Variants in HECTD2 observed in about 807,000 individuals in gnomAD.
HECTD2 encodes probable E3 ubiquitin-protein ligase HECTD2.
In HECTD2, 35 loss-of-function variants were observed where a neutral mutation model predicts 103.2. The observed-to-expected ratio is 0.34, with a 90% CI of 0.26 to 0.45. HECTD2 has a LOEUF of 0.45. Among genes scored for constraint, HECTD2 ranks in the 20% least tolerant of loss-of-function variants. The pLI is 1.00. For missense variants in HECTD2, 596 were observed against 937.4 expected, an observed-to-expected ratio of 0.64 and a Z score of 4.76; for synonymous variants, 281 against 329.9, an observed-to-expected ratio of 0.85 and a Z score of 1.61.
chr10:91,487,643 A>C lies in HECTD2; in HGVS notation c.1095-39A>C. ...CCCTTAGTATAATTTTGTTAAAAATACACCATTTTGCTTTTTCTTTTTTTC... is the reference window on the plus strand; with the variant it reads ...CCCTTAGTATAATTTTGTTAAAAATCCACCATTTTGCTTTTTCTTTTTTTC... On this transcript the variant is annotated intron_variant, in intron 10 of 20. Coordinates refer to ENST00000298068, the MANE Select transcript of HECTD2 (RefSeq NM_182765.6). This position sits in a 1 kb window ranked among gnomAD's most constrained non-coding sequence, Gnocchi z 4.1. The C allele has an allele frequency of 3.9e-6, 5 of 1,296,794 alleles. No individual in the cohort carries two copies. Among genetic ancestry groups the C allele is most frequent in the Non-Finnish European group, 2.2e-6 (2 of 890,806 alleles). 80.3% of individuals were successfully genotyped at this position (1,296,794 alleles called of 1,614,324 possible). A position where few individuals can be genotyped will look rare whatever the true frequency, so the allele number is the denominator to read the frequency against.
intron 2 of HECTD2, among the ~76,000 whole-genome samples, chr10:91,431,794 A>T (rs983117914): frequency 2.0e-5 from 3 of 151,952 alleles, no homozygotes; most frequent in African/African-American, 7.2e-5. Flanking sequence ...AAATTTTTTC[A>T]AAGTTTTCAA....
Position 91,498,158 on chromosome 10 carries a change from A to G in HECTD2, c.1731A>G (p.Glu577=). The G allele has an allele frequency of 6.2e-7, 1 of 1,611,170 alleles. No homozygotes were observed. Among genetic ancestry groups the G allele is most frequent in the Non-Finnish European group, 8.5e-7 (1 of 1,177,468 alleles). The part of the protein sequence containing the change: ...SELLSHEGNV[E]EDFYSTFQVF... ...TCTTATCACATGAAGGCAATGTTGA[A>G]GAAGATTTCTATTCAACATTTCAGG... is the stretch of plus-strand genomic sequence containing the variant. The change falls in exon 16 of 21, where the codon GAA becomes GAG. Residue 577 remains glutamate (E), a synonymous_variant. Coordinates refer to ENST00000298068, the MANE Select transcript of HECTD2 (RefSeq NM_182765.6).
chr10:91,426,568 ACACACACACACACACAAG>A (rs1249574429), intron 2 of HECTD2, among the ~76,000 whole-genome samples: 1 of 103,942 alleles, frequency 9.6e-6, no homozygotes, highest in Non-Finnish European at 1.6e-5. Context: ...ATACAAACAT[ACACACACACACACACAAG>A]CACACACACA....
At chr10:91,473,495 G>A (rs951349323) in intron 5 of HECTD2, among the ~76,000 whole-genome samples, 1 of 152,078 alleles carries the variant, frequency 6.6e-6, no homozygotes, top group Non-Finnish European at 1.5e-5. Context: ...ATATAAGAAA[G>A]AATGATGAAA....
At chr10:91,493,762 T>C (rs1846562434) in intron 14 of HECTD2, among the ~76,000 whole-genome samples, 2 of 152,042 alleles carry the variant, frequency 1.3e-5, no homozygotes, top group African/African-American at 4.8e-5. Flanking sequence ...ATTTCACATA[T>C]AATTGAAGTT....
At chr10:91,459,844 A>G (rs561945428) in intron 2 of HECTD2, among the ~76,000 whole-genome samples, 145 of 152,208 alleles carry the variant, frequency 9.5e-4, no homozygotes, top group Middle Eastern at 3.4e-3. Context: ...ACAGTTGTCT[A>G]CAGTATTCAG....
chr10:91,466,553 C>G (rs1845538709), intron 5 of HECTD2, among the ~76,000 whole-genome samples: 2 of 152,122 alleles, frequency 1.3e-5, no homozygotes, highest in Admixed American at 6.5e-5. Context: ...ATACATTTCC[C>G]TCTAAACACT....
chr10:91,491,925 C>T (rs912933840), intron 12 of HECTD2, among the ~76,000 whole-genome samples: 4 of 152,154 alleles, frequency 2.6e-5, no homozygotes, highest in African/African-American at 9.7e-5. Flanking sequence ...CCGCCTCAAA[C>T]TCCTGGTCTC....
chr10:91,410,429 C>G lies in HECTD2; in HGVS notation c.-10C>G, dbSNP rs915951832. On this transcript the variant is annotated 5_prime_UTR_variant, in exon 1 of 21. Transcript: ENST00000298068. ...CGCCGCCGCCTGGCGCTCCCGCCGC[C>G]CGGCCCGACATGAGTGAGGCGGTTC... The G allele has an allele frequency of 2.2e-6, 3 of 1,389,676 alleles. No homozygotes were observed. The African/African-American group carries it at 4.5e-5, about 21-fold the overall frequency. The allele number at this position is 1,389,676 out of a possible 1,614,324, so 86.1% of individuals were successfully genotyped here. A position where few individuals can be genotyped will look rare whatever the true frequency, so the allele number is the denominator to read the frequency against.
At chr10:91,479,767 T>C (rs1846028271) in intron 6 of HECTD2, among the ~76,000 whole-genome samples, 1 of 152,192 alleles carries the variant, frequency 6.6e-6, no homozygotes, top group South Asian at 2.1e-4. Context: ...GCAGTTATGA[T>C]AATGTATACT....
intron 2 of HECTD2, among the ~76,000 whole-genome samples, chr10:91,452,669 C>G (rs1844888166): frequency 6.6e-6 from 1 of 152,108 alleles, no homozygotes; most frequent in Non-Finnish European, 1.5e-5. Context: ...TGCACCCCCT[C>G]AGGACTTTGC....
chr10:91,455,627 T>C (rs1383056938), intron 2 of HECTD2, among the ~76,000 whole-genome samples: 1 of 152,206 alleles, frequency 6.6e-6, no homozygotes, highest in African/African-American at 2.4e-5. Context: ...TTTTTGTGTT[T>C]TAGACATGAA....
chr10:91,457,268 A>G lies in HECTD2; in HGVS notation c.269-3159A>G, dbSNP rs75887891. 5.4e-3 allele frequency among the ~76,000 whole-genome samples: 818 copies of G among 152,218 alleles called. 4 individuals carry two copies. The highest frequency in any genetic ancestry group is 0.019 in the African/African-American group (784 of 41,574). Reference sequence around the variant, plus strand: ...ACACCATTTCTGTACAATCTCTACCAGAAAATAGACGAAAAGGGAACACTT... The same window carrying G: ...ACACCATTTCTGTACAATCTCTACCGGAAAATAGACGAAAAGGGAACACTT... On this transcript the variant is annotated intron_variant, in intron 2 of 20. Transcript: ENST00000298068.
chr10:91,446,017 C>A (rs1189046240), intron 2 of HECTD2, among the ~76,000 whole-genome samples: 3 of 151,958 alleles, frequency 2.0e-5, no homozygotes, highest in African/African-American at 7.3e-5. Context: ...CCAGTGGCGC[C>A]TAGAACACCA....
At chr10:91,471,917 A>G (rs1250165656) in intron 5 of HECTD2, among the ~76,000 whole-genome samples, 1 of 152,256 alleles carries the variant, frequency 6.6e-6, no homozygotes, top group Non-Finnish European at 1.5e-5. Flanking sequence ...TGCTATTGCA[A>G]TCAAACTACC....
At chr10:91,413,322 C>T (rs185238186) in intron 1 of HECTD2, among the ~76,000 whole-genome samples, 15 of 152,196 alleles carry the variant, frequency 9.9e-5, no homozygotes, top group Admixed American at 3.9e-4. Context: ...ACCATCTAAA[C>T]GTGAAGGAAG....
chr10:91,422,977 G>T (rs1843417089), intron 1 of HECTD2, among the ~76,000 whole-genome samples: 1 of 152,178 alleles, frequency 6.6e-6, no homozygotes, highest in African/African-American at 2.4e-5. Context: ...TAGGACATGA[G>T]AAGTTTCCCT....
At chr10:91,485,093 T>C (rs1846220110) in intron 9 of HECTD2, 87 bp from the exon 10 acceptor site, 7 of 910,166 alleles carry the variant, frequency 7.7e-6, no homozygotes, top group Non-Finnish European at 1.1e-5. Context: ...CAAGGCTGTC[T>C]TGTAGACATT....
At chr10:91,499,015 T>C (rs1846788604) in intron 17 of HECTD2, 29 bp from the exon 18 acceptor site, 1 of 1,555,002 alleles carries the variant, frequency 6.4e-7, no homozygotes, top group Non-Finnish European at 8.9e-7. Flanking sequence ...TTACTTTTAC[T>C]ATTTAAGAGA....
Sources: gnomAD v4.1 joint callset for allele counts (sites outside exome capture counted in the v4.1 genomes callset) on GRCh38, gnomAD v4.1.1 for gene constraint, Gnocchi (gnomAD v3.1) non-coding constraint, MANE v1.5 for transcripts, NCBI Gene and HGNC (gene_info 2026-07-23, HGNC 2026-07-21) for gene names.